FER: variants seen among roughly 807,000 people sequenced by gnomAD.
FER encodes FER tyrosine kinase.
FER carries 63 observed loss-of-function variants against 111.0 expected under a neutral mutation model. The ratio of observed to expected loss-of-function variants is 0.57; its 90% CI spans 0.46 to 0.70. The LOEUF (loss-of-function observed/expected upper bound fraction) is 0.70, where lower values mean the gene tolerates loss of function less well. Among genes scored for constraint, FER ranks in the 30% least tolerant of loss-of-function variants. The probability of loss-of-function intolerance (pLI) is 0.00; values close to 1 mark genes in which losing one functional copy is unlikely to be tolerated. For missense variants in FER, 914 were observed against 954.0 expected, an observed-to-expected ratio of 0.96 and a Z score of 0.55; for synonymous variants, 327 against 313.9, an observed-to-expected ratio of 1.04 and a Z score of -0.44.
chr5:109,086,251 C>T (rs1452108767), intron 16 of FER, among the ~76,000 whole-genome samples: 1 of 149,588 alleles, frequency 6.7e-6, no homozygotes, highest in African/African-American at 2.5e-5. Flanking sequence ...ATCTTGTGTT[C>T]ACTTTAGTTG....
chr5:108,832,647 C>T (rs963490957), intron 3 of FER, 123 bp from the exon 4 acceptor site: 1 of 644,380 alleles, frequency 1.6e-6, no homozygotes, highest in African/African-American at 2.0e-5. Context: ...TGCCAGAAAC[C>T]TATTTTTTAT....
chr5:108,821,872 C>T (rs1758882135), intron 3 of FER, among the ~76,000 whole-genome samples: 1 of 152,016 alleles, frequency 6.6e-6, no homozygotes, highest in Admixed American at 6.6e-5. Flanking sequence ...ACTTAAGATA[C>T]GTACTCTCTT....
At chr5:109,128,533 C>T (rs1036214) in intron 17 of FER, among the ~76,000 whole-genome samples, 62,715 of 151,796 alleles carry the variant, frequency 0.41, 13,221 homozygotes, top group African/African-American at 0.45. Flanking sequence ...AAAAGGAGGA[C>T]AGCTTGTCAT....
intron 10 of FER, among the ~76,000 whole-genome samples, chr5:108,927,225 C>T (rs751655861): frequency 6.6e-6 from 1 of 150,546 alleles, no homozygotes. Context: ...TCCCATATCC[C>T]ATGTAATTCA....
chr5:108,891,463 A>G (rs1748036205), intron 9 of FER: 2 of 151,978 alleles, frequency 1.3e-5, no homozygotes. Context: ...GGATAACTCA[A>G]TTGATTGTTC....
intron 17 of FER, among the ~76,000 whole-genome samples, chr5:109,180,290 G>A (rs1758150054): frequency 6.6e-6 from 1 of 152,080 alleles, no homozygotes; most frequent in Admixed American, 6.5e-5. Flanking sequence ...TATCTACTAG[G>A]CACATGCAGC....
At chr5:108,791,936 A>G (rs778048330) in intron 2 of FER, among the ~76,000 whole-genome samples, 36 of 152,184 alleles carry the variant, frequency 2.4e-4, no homozygotes, top group Non-Finnish European at 4.1e-4. Flanking sequence ...TGTTGAAAAG[A>G]CTTTTCTTTT....
intron 3 of FER, among the ~76,000 whole-genome samples, chr5:108,824,387 G>A (rs1356669674): frequency 6.6e-6 from 1 of 151,294 alleles, no homozygotes. Flanking sequence ...AGATTGTTTT[G>A]GGTGGTATGG....
At chr5:109,146,256 A>ATATATATATTATCTATC (rs1437654039) in intron 17 of FER, among the ~76,000 whole-genome samples, 2 of 52,732 alleles carry the variant, frequency 3.8e-5, no homozygotes, top group African/African-American at 1.9e-4. Context: ...TCTATCTAAT[A>ATATATATATTATCTATC]TATATATATA....
chr5:108,852,097 A>C (rs1762595220), intron 5 of FER, among the ~76,000 whole-genome samples: 1 of 152,220 alleles, frequency 6.6e-6, no homozygotes, highest in South Asian at 2.1e-4. Context: ...CCCAATGATA[A>C]TTTATAAGCC....
intron 13 of FER, among the ~76,000 whole-genome samples, chr5:109,021,159 G>A (rs115038123): frequency 0.012 from 1,776 of 151,924 alleles, 30 homozygotes; most frequent in African/African-American, 0.04. Flanking sequence ...TATATAATAC[G>A]TATATTTGCT....
At chr5:108,934,195 A>T (rs1755118578) in intron 10 of FER, among the ~76,000 whole-genome samples, 1 of 152,148 alleles carries the variant, frequency 6.6e-6, no homozygotes. Context: ...TATGTAATCT[A>T]GGCAACCTGG....
At chr5:109,187,361 A>G in intron 19 of FER, 72 bp from the exon 20 acceptor site, 6 of 1,504,466 alleles carry the variant, frequency 4.0e-6, no homozygotes, top group Non-Finnish European at 5.5e-6. Flanking sequence ...TAATAACTGC[A>G]TAATGCCCTG....
chr5:108,945,758 C>T (rs904981660), intron 10 of FER, among the ~76,000 whole-genome samples: 3 of 151,908 alleles, frequency 2.0e-5, no homozygotes, highest in Admixed American at 1.3e-4. Context: ...ATAGTCCTAT[C>T]CGAAATAGTC....
chr5:108,845,984 A>G, intron 5 of FER, among the ~76,000 whole-genome samples: 1 of 152,190 alleles, frequency 6.6e-6, no homozygotes, highest in East Asian at 1.9e-4. Context: ...TTTCTTAGTC[A>G]TGATGTATTA....
intron 3 of FER, among the ~76,000 whole-genome samples, chr5:108,829,385 C>A (rs1342029399): frequency 1.3e-5 from 2 of 152,142 alleles, no homozygotes; most frequent in Non-Finnish European, 2.9e-5. Flanking sequence ...CACCTGTAAT[C>A]CCAGCACTTT....
chr5:108,931,323 T>G (rs1292918243), intron 10 of FER, among the ~76,000 whole-genome samples: 1 of 151,994 alleles, frequency 6.6e-6, no homozygotes, highest in Non-Finnish European at 1.5e-5. Flanking sequence ...TTCCATGTAT[T>G]TTTTTTTCCG....
At chr5:108,952,861 G>A (rs1474706245) in intron 11 of FER, among the ~76,000 whole-genome samples, 1 of 152,020 alleles carries the variant, frequency 6.6e-6, no homozygotes, top group East Asian at 1.9e-4. Context: ...AGATTGGCTA[G>A]GACAAGAAAT....
chr5:108,840,267 C>T (rs1363157785), intron 5 of FER, among the ~76,000 whole-genome samples: 3 of 152,154 alleles, frequency 2.0e-5, no homozygotes, highest in African/African-American at 7.2e-5. Flanking sequence ...AATATCCGGT[C>T]CATATTCTGG....
Sources: allele counts gnomAD v4.1 joint callset (sites outside exome capture counted in the v4.1 genomes callset), GRCh38; gene constraint gnomAD v4.1.1; transcripts MANE v1.5; gene names NCBI Gene and HGNC (gene_info 2026-07-23, HGNC 2026-07-21).